The following SLC22A11 variants were observed in gnomAD, a reference collection of about 807,000 sequenced individuals.
The protein encoded by SLC22A11 is solute carrier family 22 member 11.
A neutral mutation model predicts 49.4 loss-of-function variants in SLC22A11; 42 were observed. That is an observed-to-expected ratio of 0.85 (90% CI 0.66 to 1.10). SLC22A11 has a LOEUF of 1.10. Ranked by LOEUF, SLC22A11 falls within the 50% of genes least tolerant of loss-of-function variation. The pLI, the probability that SLC22A11 is intolerant of heterozygous loss-of-function variation, is 0.00. For missense variants in SLC22A11, 685 were observed against 731.6 expected (o/e 0.94, Z 0.74); for synonymous variants, 304 against 315.8 (o/e 0.96, Z 0.40).
Position 64,562,298 on chromosome 11 carries a change from G to C in SLC22A11, c.684G>C (p.Ala228=), listed in dbSNP as rs76833677. The stretch of plus-strand genomic sequence containing the variant: ...AGTGGACCACGACCAGCAGGAGGGC[G>C]GTCACCATGACGGTGGTGGGATGTG... ...MVEWTTTSRR[A]VTMTVVGCAF... The change falls in exon 4 of 10, where the codon GCG becomes GCC. Residue 228 remains alanine (A), a synonymous_variant. Transcript: ENST00000301891. The surrounding 1 kb of genome is among the most constrained non-coding windows in gnomAD (Gnocchi z 4.4). The C allele has an allele frequency of 1.9e-6, 3 of 1,608,568 alleles. No homozygotes were observed. The highest frequency in any genetic ancestry group is 1.7e-6 in the Non-Finnish European group (2 of 1,176,728).
At chr11:64,559,768 G>T (rs2038516410) in intron 2 of SLC22A11, among the ~76,000 whole-genome samples, 1 of 152,196 alleles carries the variant, frequency 6.6e-6, no homozygotes, top group Non-Finnish European at 1.5e-5. Context: ...CAGGACACAG[G>T]TAAGTAAGTC....
In SLC22A11 at chr11:64,556,026, A is replaced by G; in HGVS notation, c.27A>G (p.Gln9=). The change falls in exon 1 of 10, where the codon CAA becomes CAG. Residue 9 remains glutamine, a synonymous_variant. Coordinates refer to ENST00000301891, the MANE Select transcript of SLC22A11 (RefSeq NM_018484.4). ...TGGCGTTCTCGAAGCTCTTGGAGCA[A>G]GCCGGAGGCGTGGGCCTCTTCCAGA... MAFSKLLE[Q]AGGVGLFQTL... is the part of the protein sequence containing the mutation. 6.2e-7 allele frequency: 1 copy of G among 1,612,122 alleles called. No individual in the cohort carries two copies. The highest frequency in any genetic ancestry group is 8.5e-7 in the Non-Finnish European group (1 of 1,179,870).
chr11:64,558,719 G>A (rs2038498519), intron 1 of SLC22A11, among the ~76,000 whole-genome samples: 2 of 152,180 alleles, frequency 1.3e-5, no homozygotes, highest in South Asian at 4.1e-4. Context: ...CCCTGCCCCT[G>A]CCTCCCACTG....
chr11:64,556,366 G>C lies in SLC22A11; in HGVS notation c.367G>C (p.Val123Leu). The C allele has an allele frequency of 6.2e-7, 1 of 1,611,978 alleles. No individual in the cohort carries two copies. ...GGACGGCTGGGTCTATGACCGCAGC[G>C]TCTTCACCTCCACCATCGTGGCCAA... ...CVDGWVYDRS[V>L]FTSTIVAKWD... The change falls in exon 1 of 10, where the codon GTC (valine) becomes CTC (leucine). Residue 123 changes from valine (V) to leucine (L), a missense_variant. Coordinates refer to ENST00000301891, the MANE Select transcript of SLC22A11 (RefSeq NM_018484.4).
chr11:64,568,317 A>G (rs1181703766), intron 7 of SLC22A11, among the ~76,000 whole-genome samples: 2 of 152,116 alleles, frequency 1.3e-5, no homozygotes, highest in Non-Finnish European at 2.9e-5. Flanking sequence ...GGGCAGCAGG[A>G]AGGCTGCTGT....
rs1012490895 is a variant in SLC22A11, at chr11:64,562,532, G to A, written c.821+97G>A. ...GGCTGGCAGTAGGTCCAGAGACCTG[G>A]AGTGCCACAGAAGGGCCATGGCATG... On this transcript the variant is annotated intron_variant, in intron 4 of 9. Coordinates refer to ENST00000301891, the MANE Select transcript of SLC22A11 (RefSeq NM_018484.4). This position sits in a 1 kb window ranked among gnomAD's most constrained non-coding sequence, Gnocchi z 4.4. 25 of 1,328,194 alleles carry A rather than the reference G, an allele frequency of 1.9e-5. No individual in the cohort carries two copies. Among genetic ancestry groups the A allele is most frequent in the Admixed American group, 2.4e-5 (1 of 40,974 alleles). The allele number at this position is 1,328,194 out of a possible 1,614,324, so 82.3% of individuals were successfully genotyped here.
intron 6 of SLC22A11, among the ~76,000 whole-genome samples, chr11:64,567,348 C>T (rs527772202): frequency 1.9e-3 from 292 of 152,358 alleles, no homozygotes; most frequent in African/African-American, 6.9e-3. Context: ...CAGCGCATCG[C>T]TGCCCCTGAC....
rs1487803655 is a variant in SLC22A11, at chr11:64,567,449, G to A, written c.1059-150G>A. The stretch of plus-strand genomic sequence containing the variant: ...CTGGGGTTGTGTCCTGAGTTTGGCA[G>A]GCTTCTGGGATCGCTGGCCGAGACA... On this transcript the variant is annotated intron_variant, in intron 6 of 9. Coordinates refer to ENST00000301891, the MANE Select transcript of SLC22A11 (RefSeq NM_018484.4). The A allele has an allele frequency of 2.8e-5, 20 of 727,078 alleles. 1 individual carries two copies. Among genetic ancestry groups the A allele is most frequent in the Non-Finnish European group, 4.7e-5 (20 of 428,696 alleles). The allele number at this position is 727,078 out of a possible 1,614,324, so 45.0% of individuals were successfully genotyped here.
At position 64,567,687 on chromosome 11, in the gene SLC22A11, G is replaced by T. The variant is rs751263600; in HGVS notation, c.1147G>T (p.Ala383Ser). The change falls in exon 7 of 10, where the codon GCC becomes TCC. Residue 383 changes from alanine (A) to serine (S), a missense_variant. Transcript: ENST00000301891. ...CTTCCTCCTCCAGGCCCTCTTCGGG[G>T]CCGTGGACTTCCTGGGCCGGGCCAC... ...DIFLLQALFG[A>S]VDFLGRATTA... The T allele has an allele frequency of 8.7e-6, 14 of 1,613,948 alleles. No individual in the cohort carries two copies. The highest frequency in any genetic ancestry group is 1.1e-5 in the Non-Finnish European group (13 of 1,180,036).
Position 64,562,445 on chromosome 11 carries a change from A to C in SLC22A11, c.821+10A>C. 1 of 1,539,680 alleles carries C rather than the reference A, an allele frequency of 6.5e-7. No individual in the cohort carries two copies. Among genetic ancestry groups the C allele is most frequent in the Non-Finnish European group, 8.7e-7 (1 of 1,143,398 alleles). On this transcript the variant is annotated intron_variant, in intron 4 of 9. Coordinates refer to ENST00000301891, the MANE Select transcript of SLC22A11 (RefSeq NM_018484.4). This position sits in a 1 kb window ranked among gnomAD's most constrained non-coding sequence, Gnocchi z 4.4. ...TCTCCCTGATATCCTGGTCAGTATG[A>C]TGTGGGACCTTTTCCTTAGGAGACC...
chr11:64,568,046 G>A (rs368867661), intron 7 of SLC22A11, among the ~76,000 whole-genome samples: 23 of 152,376 alleles, frequency 1.5e-4, no homozygotes, highest in African/African-American at 5.0e-4. Context: ...CGGCAGAGCC[G>A]GGAGGAAGGC....
intron 4 of SLC22A11, among the ~76,000 whole-genome samples, chr11:64,563,152 C>T (rs562018879): frequency 6.6e-6 from 1 of 152,246 alleles, no homozygotes; most frequent in Non-Finnish European, 1.5e-5. Context: ...GCTTACGTTT[C>T]ATACACAGAT....
intron 7 of SLC22A11, among the ~76,000 whole-genome samples, chr11:64,568,037 G>A (rs2038652211): frequency 6.6e-6 from 1 of 152,264 alleles, no homozygotes; most frequent in Non-Finnish European, 1.5e-5. Context: ...GTGCGGTGGC[G>A]GCAGAGCCGG....
chr11:64,568,617 C>A, intron 7 of SLC22A11, 53 bp from the exon 8 acceptor site: 2 of 1,463,412 alleles, frequency 1.4e-6, no homozygotes, highest in South Asian at 1.1e-5. Context: ...CACTGACTAG[C>A]CCCTGGGTAC....
Position 64,564,247 on chromosome 11 carries a change from C to T in SLC22A11, c.822-61C>T, listed in dbSNP as rs1591374816. 6.2e-7 allele frequency: 1 copy of T among 1,601,476 alleles called. No homozygotes were observed. Among genetic ancestry groups the T allele is most frequent in the South Asian group, 1.1e-5 (1 of 89,548 alleles). ...GAGGGTCCGTGCCCACTGCCCCTTT[C>T]CACCCCGCCCCGGGGGAGAGCCCAG... is the stretch of plus-strand genomic sequence containing the variant. On this transcript the variant is annotated intron_variant, in intron 4 of 9. Coordinates refer to ENST00000301891, the MANE Select transcript of SLC22A11 (RefSeq NM_018484.4). This position sits in a 1 kb window ranked among gnomAD's most constrained non-coding sequence, Gnocchi z 4.2.
chr11:64,567,800 G>A lies in SLC22A11; in HGVS notation c.1260G>A (p.Met420Ile), dbSNP rs758678358. The change falls in exon 7 of 10, where the codon ATG becomes ATA. Residue 420 changes from methionine (M) to isoleucine (I), a missense_variant. By Grantham distance (10) the Met-to-Ile change is conservative. Transcript: ENST00000301891. ...AMAGLAILAN[M>I]LVPQDLQTLR... ...CCGGCCTCGCCATTCTAGCCAACAT[G>A]CTGGTGCCGCAAGGTGAGGCAGGCG... 1.3e-5 allele frequency: 21 copies of A among 1,598,008 alleles called. 1 individual carries two copies. The South Asian group carries it at 2.1e-4, about 16-fold the overall frequency.
rs2038449144 is a variant in SLC22A11, at chr11:64,556,067, C to T, written c.68C>T (p.Thr23Ile). Residue 23 changes from threonine (T) to isoleucine (I), a missense_variant, in exon 1 of 10, where the codon ACC (threonine) becomes ATC (isoleucine). Transcript: ENST00000301891. ...VGLFQTLQVL[T>I]FILPCLMIPS... is the part of the protein sequence containing the mutation. ...CTCTTCCAGACCCTGCAGGTGCTCA[C>T]CTTCATCCTCCCCTGCCTCATGATA... is the stretch of plus-strand genomic sequence containing the variant. The T allele has an allele frequency of 5.6e-6, 9 of 1,613,858 alleles. No individual in the cohort carries two copies. The highest frequency in any genetic ancestry group is 2.2e-5 in the South Asian group (2 of 91,086).
chr11:64,556,740 A>G (rs1484565579), intron 1 of SLC22A11, among the ~76,000 whole-genome samples: 1 of 151,888 alleles, frequency 6.6e-6, no homozygotes, highest in Admixed American at 6.6e-5. Flanking sequence ...GGCTGAACTG[A>G]CCCAACAGGC....
At position 64,562,349 on chromosome 11, in the gene SLC22A11, G is replaced by T; in HGVS notation, c.735G>T (p.Leu245=). The change falls in exon 4 of 10, where the codon CTG becomes CTT. Residue 245 remains leucine (L), a synonymous_variant. Coordinates refer to ENST00000301891, the MANE Select transcript of SLC22A11 (RefSeq NM_018484.4). This position sits in a 1 kb window ranked among gnomAD's most constrained non-coding sequence, Gnocchi z 4.4. ...CCTTCAGCGCAGGCCAGGCGGCGCT[G>T]GGCGGCCTGGCCTTTGCCCTGCGGG... The part of the protein sequence containing the change: ...GCAFSAGQAA[L]GGLAFALRDW... The T allele has an allele frequency of 6.2e-7, 1 of 1,611,408 alleles. No individual in the cohort carries two copies. The highest frequency in any genetic ancestry group is 1.1e-5 in the South Asian group (1 of 90,936).
Sources: gnomAD v4.1 joint callset for allele counts (sites outside exome capture counted in the v4.1 genomes callset) on GRCh38, gnomAD v4.1.1 for gene constraint, Gnocchi (gnomAD v3.1) non-coding constraint, MANE v1.5 for transcripts, NCBI Gene and HGNC (gene_info 2026-07-23, HGNC 2026-07-21) for gene names.